TIAM2: variants seen among roughly 807,000 people sequenced by gnomAD.
The protein encoded by TIAM2 is TIAM Rac1 associated GEF 2.
TIAM2 carries 80 observed loss-of-function variants against 152.9 expected under a neutral mutation model. That is an observed-to-expected ratio of 0.52 (90% confidence interval 0.44 to 0.63). The LOEUF (loss-of-function observed/expected upper bound fraction) is 0.63, where lower values mean the gene tolerates loss of function less well. Ranked by LOEUF, TIAM2 falls within the 30% of genes least tolerant of loss-of-function variation. TIAM2 has a pLI of 0.00. For missense variants in TIAM2, 1,965 were observed against 2,120.1 expected, an observed-to-expected ratio of 0.93 and a Z score of 1.44; for synonymous variants, 804 against 838.0, an observed-to-expected ratio of 0.96 and a Z score of 0.70.
intron 12 of TIAM2, among the ~76,000 whole-genome samples, 170 bp downstream of exon 12, chr6:155,179,626 A>G (rs995366786): frequency 6.6e-6 from 1 of 152,220 alleles, no homozygotes; most frequent in African/African-American, 2.4e-5. Flanking sequence ...TGATATTAGC[A>G]GGTGACACAG....
intron 2 of TIAM2, among the ~76,000 whole-genome samples, chr6:155,109,946 CTTTTTT>C (rs72211101): frequency 7.2e-6 from 1 of 138,864 alleles, no homozygotes; most frequent in Non-Finnish European, 1.5e-5. Flanking sequence ...AATGCACAGA[CTTTTTT>C]TTTTTTTTTT....
intron 15 of TIAM2, among the ~76,000 whole-genome samples, chr6:155,226,398 G>A (rs1050346440): frequency 2.6e-5 from 4 of 152,128 alleles, no homozygotes; most frequent in Non-Finnish European, 5.9e-5. Context: ...GGTTGGGTGT[G>A]GTGGCTCACG....
intron 19 of TIAM2, among the ~76,000 whole-genome samples, chr6:155,247,241 G>A (rs1783385723): frequency 1.3e-5 from 2 of 152,202 alleles, no homozygotes; most frequent in South Asian, 2.1e-4. Context: ...ACTAGAGTGA[G>A]GCCAGTGGGA....
chr6:155,015,936 C>CA (rs1778568464), intron 1 of TIAM2, among the ~76,000 whole-genome samples: 1 of 42,442 alleles, frequency 2.4e-5, no homozygotes, highest in Non-Finnish European at 6.5e-5. Context: ...GACCCTGTTT[C>CA]AAAAAACCAA....
At chr6:155,084,126 C>T (rs529399721) in intron 1 of TIAM2, among the ~76,000 whole-genome samples, 39 of 152,252 alleles carry the variant, frequency 2.6e-4, no homozygotes, top group African/African-American at 8.9e-4. Context: ...ACCTGGGGCA[C>T]TGCATGTAGG....
At chr6:155,057,009 TTTTC>T (rs1393512981) in intron 1 of TIAM2, among the ~76,000 whole-genome samples, 9 of 141,912 alleles carry the variant, frequency 6.3e-5, no homozygotes, top group African/African-American at 2.4e-4. Flanking sequence ...TGTTCCTCAG[TTTTC>T]TTTCTTTTTT....
intron 2 of TIAM2, among the ~76,000 whole-genome samples, chr6:155,124,876 T>A (rs77035594): frequency 3.3e-5 from 5 of 151,158 alleles, no homozygotes; most frequent in Admixed American, 3.3e-4. Flanking sequence ...TTTTTTTTTT[T>A]AATTTAAAAT....
At position 155,127,611 on chromosome 6, in the gene TIAM2, C is replaced by A; in HGVS notation, c.-7+11C>A. ...GAAACTAGACGTCAGGTAAACCCAA[C>A]CCTTGTGCCTGGGGGTCACGTCAAG... On this transcript the variant is annotated intron_variant, in intron 3 of 26. Coordinates refer to ENST00000682666, the MANE Select transcript of TIAM2 (RefSeq NM_012454.4). 1 of 456,034 alleles carries A rather than the reference C, an allele frequency of 2.2e-6. No individual in the cohort carries two copies. The allele number at this position is 456,034 out of a possible 1,614,324, so 28.2% of individuals were successfully genotyped here. A position where few individuals can be genotyped will look rare whatever the true frequency, so the allele number is the denominator to read the frequency against.
chr6:155,137,433 A>C lies in TIAM2; in HGVS notation c.1451A>C (p.Glu484Ala), dbSNP rs746968867. The change falls in exon 5 of 27, where the codon GAG becomes GCG. Residue 484 changes from glutamate to alanine, a missense_variant. By Grantham distance (107) the Glu-to-Ala change is moderately radical. Around this residue, in one of 3 missense-constraint regions of TIAM2, gnomAD observed 1,025 missense variants for 1,119.4 expected, o/e 0.92. Coordinates refer to ENST00000682666, the MANE Select transcript of TIAM2 (RefSeq NM_012454.4). ...ATAGAAACATCTACAGAAACCGCCG[A>C]GTCCAGCAGCGAGTCACTCAGCTCT... ...ENIETSTETA[E>A]SSSESLSSLE... The C allele has an allele frequency of 2.5e-6, 4 of 1,614,250 alleles. No individual in the cohort carries two copies. In the Admixed American group the frequency reaches 6.7e-5, roughly 27 times the overall value.
rs1358696451 is a variant in TIAM2, at chr6:155,075,161, G to A, written c.-208-15128G>A. On this transcript the variant is annotated intron_variant, in intron 1 of 26. Coordinates refer to ENST00000682666, the MANE Select transcript of TIAM2 (RefSeq NM_012454.4). Reference sequence around the variant, plus strand: ...TAAATGTAGGAGGTGAGGGGAGGCTGGGTTGGATTAAATGTTCAAGTTGAC... The same window carrying A: ...TAAATGTAGGAGGTGAGGGGAGGCTAGGTTGGATTAAATGTTCAAGTTGAC... Among the ~76,000 whole-genome samples, 3 of 152,224 alleles carry A rather than the reference G, an allele frequency of 2.0e-5. No homozygotes were observed. The East Asian group carries it at 5.8e-4, about 29-fold the overall frequency.
chr6:155,005,215 T>C, intron 1 of TIAM2: 1 of 227,256 alleles, frequency 4.4e-6, no homozygotes, highest in Non-Finnish European at 9.6e-6. Context: ...GAGGCCTGCC[T>C]GTCTTTCCAC....
chr6:155,244,615 T>G, intron 17 of TIAM2, 43 bp from the exon 18 acceptor site: 1 of 1,604,878 alleles, frequency 6.2e-7, no homozygotes, highest in Non-Finnish European at 8.5e-7. Context: ...TGTCCTGAAC[T>G]TCATGGCTAA....
chr6:155,137,500 G>A lies in TIAM2; in HGVS notation c.1518G>A (p.Val506=), dbSNP rs767851710. 9.3e-5 allele frequency: 150 copies of A among 1,614,172 alleles called. 2 individuals are homozygous for A. Among genetic ancestry groups the A allele is most frequent in the South Asian group, 6.4e-4 (58 of 91,074 alleles). Reference sequence around the variant, plus strand: ...TGCTCTTTGAGAAGGAACAGGGGGTGGTCCGGAAGGCCGGGTGGCTCTTCT... The same window carrying A: ...TGCTCTTTGAGAAGGAACAGGGGGTAGTCCGGAAGGCCGGGTGGCTCTTCT... ...LDLLFEKEQG[V]VRKAGWLFFK... The change falls in exon 5 of 27, where the codon GTG becomes GTA. Residue 506 remains valine, a synonymous_variant. Transcript: ENST00000682666.
At chr6:155,250,424 T>C in intron 21 of TIAM2, 2 of 783,140 alleles carry the variant, frequency 2.6e-6, no homozygotes, top group Non-Finnish European at 3.9e-6. Flanking sequence ...CTTGTGCTTC[T>C]CAAGCCAGCA....
intron 14 of TIAM2, among the ~76,000 whole-genome samples, chr6:155,185,102 T>C (rs1016448049): frequency 6.7e-6 from 1 of 149,150 alleles, no homozygotes; most frequent in African/African-American, 2.5e-5. Flanking sequence ...CTGTAGAAAG[T>C]AGAGAAAGGG....
chr6:155,125,262 C>T (rs1186542588), intron 2 of TIAM2, among the ~76,000 whole-genome samples: 1 of 151,754 alleles, frequency 6.6e-6, no homozygotes, highest in Non-Finnish European at 1.5e-5. Flanking sequence ...CAGAGTGAGA[C>T]TCTGTCTCAA....
chr6:155,248,218 A>G (rs1459437919), intron 20 of TIAM2, 39 bp downstream of exon 20: 62 of 1,577,522 alleles, frequency 3.9e-5, no homozygotes, highest in Non-Finnish European at 5.3e-5. Context: ...GGGCCTGCAC[A>G]GGGCGGCGAG....
chr6:155,147,956 G>C (rs1460723787), intron 6 of TIAM2, among the ~76,000 whole-genome samples, 154 bp from the exon 7 acceptor site: 1 of 152,222 alleles, frequency 6.6e-6, no homozygotes, highest in African/African-American at 2.4e-5. Flanking sequence ...CTCTGAACCT[G>C]AGTTGAATGG....
At chr6:155,049,142 A>G (rs777057940) in intron 1 of TIAM2, among the ~76,000 whole-genome samples, 1 of 152,122 alleles carries the variant, frequency 6.6e-6, no homozygotes, top group Non-Finnish European at 1.5e-5. Flanking sequence ...CTGTTTAAAC[A>G]CAAAACCAGA....
Sources: gnomAD v4.1 joint callset for allele counts (sites outside exome capture counted in the v4.1 genomes callset) on GRCh38, gnomAD v4.1.1 for gene constraint, gnomAD v4.1.1 regional missense constraint, MANE v1.5 for transcripts, NCBI Gene and HGNC (gene_info 2026-07-23, HGNC 2026-07-21) for gene names.